Variants in RIMS2 observed in about 807,000 individuals in gnomAD.
The protein encoded by RIMS2 is regulating synaptic membrane exocytosis protein 2.
RIMS2 carries 59 observed loss-of-function variants against 174.4 expected under a neutral mutation model. That is an observed-to-expected ratio of 0.34 (90% CI 0.27 to 0.42). The LOEUF is 0.42. RIMS2 is among the 10% of genes least tolerant of loss of function. The probability of loss-of-function intolerance (pLI) is 1.00; values close to 1 mark genes in which losing one functional copy is unlikely to be tolerated. For missense variants in RIMS2, 1,620 were observed against 1,666.3 expected, an observed-to-expected ratio of 0.97 and a Z score of 0.48; for synonymous variants, 606 against 572.5, an observed-to-expected ratio of 1.06 and a Z score of -0.84.
chr8:103,615,756 G>A (rs990925327), intron 1 of RIMS2, among the ~76,000 whole-genome samples: 8 of 151,976 alleles, frequency 5.3e-5, no homozygotes, highest in South Asian at 2.1e-4. Context: ...CTATGCACAC[G>A]AACTAGAACG....
chr8:103,957,530 T>G (rs2087828815), intron 14 of RIMS2, among the ~76,000 whole-genome samples: 1 of 152,208 alleles, frequency 6.6e-6, no homozygotes, highest in African/African-American at 2.4e-5. Flanking sequence ...CACCGCATGT[T>G]CTCATTCATA....
At chr8:103,580,815 A>G (rs1454463616) in intron 1 of RIMS2, among the ~76,000 whole-genome samples, 1 of 144,822 alleles carries the variant, frequency 6.9e-6, no homozygotes, top group Non-Finnish European at 1.5e-5. Context: ...AACTGAAGAG[A>G]AAGGGAATAC....
At chr8:103,927,561 A>G (rs887884510) in intron 10 of RIMS2, among the ~76,000 whole-genome samples, 1 of 151,550 alleles carries the variant, frequency 6.6e-6, no homozygotes, top group Non-Finnish European at 1.5e-5. Flanking sequence ...GCCCAAATAT[A>G]TTATTTTATA....
intron 3 of RIMS2, among the ~76,000 whole-genome samples, chr8:103,772,737 G>T (rs2098268053): frequency 6.6e-6 from 1 of 152,090 alleles, no homozygotes; most frequent in Non-Finnish European, 1.5e-5. Context: ...AAACATTGTG[G>T]CATTGGCATA....
chr8:103,985,061 G>C (rs907265754), intron 16 of RIMS2, among the ~76,000 whole-genome samples: 2 of 152,164 alleles, frequency 1.3e-5, no homozygotes, highest in Non-Finnish European at 2.9e-5. Flanking sequence ...TGGGTGAAGG[G>C]GATGTGGCAA....
chr8:104,039,587 A>G (rs1362190191), intron 19 of RIMS2, among the ~76,000 whole-genome samples: 1 of 151,786 alleles, frequency 6.6e-6, no homozygotes, highest in Non-Finnish European at 1.5e-5. Context: ...GATGGAATAT[A>G]TGGAAGCCAT....
At chr8:103,872,414 C>A (rs2154513727) in intron 3 of RIMS2, among the ~76,000 whole-genome samples, 1 of 152,316 alleles carries the variant, frequency 6.6e-6, no homozygotes, top group East Asian at 1.9e-4. Context: ...AAAGAGTTCT[C>A]ACTTGAGACA....
intron 1 of RIMS2, among the ~76,000 whole-genome samples, chr8:103,516,099 T>C (rs1586609678): frequency 1.3e-5 from 2 of 152,122 alleles, no homozygotes; most frequent in Admixed American, 1.3e-4. Context: ...GCAGTTTCTA[T>C]GTAGACTTCT....
chr8:103,995,131 T>C (rs546145752), intron 17 of RIMS2, among the ~76,000 whole-genome samples: 9 of 152,226 alleles, frequency 5.9e-5, no homozygotes, highest in Non-Finnish European at 1.0e-4. Flanking sequence ...TTTATGTTTC[T>C]AGAATGTTCT....
chr8:104,039,503 C>A (rs1460204258), intron 19 of RIMS2, among the ~76,000 whole-genome samples: 1 of 151,514 alleles, frequency 6.6e-6, no homozygotes. Flanking sequence ...TAGGAAAATA[C>A]TAGATGAAGA....
At chr8:103,628,801 C>A (rs2095847386) in intron 1 of RIMS2, among the ~76,000 whole-genome samples, 1 of 145,356 alleles carries the variant, frequency 6.9e-6, no homozygotes, top group Non-Finnish European at 1.5e-5. Flanking sequence ...CTGTCTCTAG[C>A]TAAAGGACCA....
intron 1 of RIMS2, among the ~76,000 whole-genome samples, chr8:103,549,796 A>G (rs974743009): frequency 1.3e-5 from 2 of 152,152 alleles, no homozygotes; most frequent in African/African-American, 4.8e-5. Context: ...CAAATGGAAA[A>G]CAAAAAAAGG....
At chr8:103,736,176 CTTG>C (rs2097683032) in intron 2 of RIMS2, among the ~76,000 whole-genome samples, 1 of 152,104 alleles carries the variant, frequency 6.6e-6, no homozygotes, top group Non-Finnish European at 1.5e-5. Context: ...TGCAGTCATA[CTTG>C]TTGTAATGTG....
intron 2 of RIMS2, among the ~76,000 whole-genome samples, chr8:103,729,358 G>A (rs1386477906): frequency 6.6e-6 from 1 of 151,818 alleles, no homozygotes; most frequent in Non-Finnish European, 1.5e-5. Flanking sequence ...CAACTTACTG[G>A]CATATTGCTG....
chr8:103,823,266 G>T (rs1336584092), intron 3 of RIMS2, among the ~76,000 whole-genome samples: 1 of 151,832 alleles, frequency 6.6e-6, no homozygotes, highest in Admixed American at 6.6e-5. Context: ...AATGAGATAT[G>T]TAGACTTTCA....
chr8:103,551,648 A>G (rs201035686), intron 1 of RIMS2, among the ~76,000 whole-genome samples: 7 of 152,092 alleles, frequency 4.6e-5, no homozygotes, highest in African/African-American at 1.4e-4. Flanking sequence ...TAGGAAAAGA[A>G]GAAGTCAAAT....
At chr8:103,863,735 A>G (rs1435980086) in intron 3 of RIMS2, among the ~76,000 whole-genome samples, 1 of 151,996 alleles carries the variant, frequency 6.6e-6, no homozygotes, top group Non-Finnish European at 1.5e-5. Context: ...AGATGTTCAT[A>G]ATAGTCTTTG....
chr8:103,544,646 C>T (rs1397682235), intron 1 of RIMS2, among the ~76,000 whole-genome samples: 1 of 152,222 alleles, frequency 6.6e-6, no homozygotes, highest in African/African-American at 2.4e-5. Context: ...CTGTGGGAAG[C>T]ACTCAGACAG....
intron 1 of RIMS2, among the ~76,000 whole-genome samples, chr8:103,585,841 C>G (rs1454042636): frequency 6.6e-6 from 1 of 151,074 alleles, no homozygotes; most frequent in African/African-American, 2.4e-5. Flanking sequence ...CACATGTATA[C>G]CTGTGTAACA....
Sources: allele counts gnomAD v4.1 joint callset (sites outside exome capture counted in the v4.1 genomes callset), GRCh38; gene constraint gnomAD v4.1.1; transcripts MANE v1.5; gene names NCBI Gene and HGNC (gene_info 2026-07-23, HGNC 2026-07-21).